The following PRR33 variants were observed in gnomAD, a reference collection of about 807,000 sequenced individuals.
PRR33 encodes proline-rich protein 33.
PRR33 carries 1 observed loss-of-function variant against 0.5 expected under a neutral mutation model. The observed-to-expected ratio is 2.18, with a 90% CI of 0.77 to 10.34. PRR33 has a LOEUF of 10.34. Ranked by LOEUF, PRR33 falls within the 30% of genes most tolerant of loss-of-function variation. The probability of loss-of-function intolerance (pLI) is 0.13; values close to 1 mark genes in which losing one functional copy is unlikely to be tolerated. For missense variants in PRR33, 552 were observed against 251.8 expected (o/e 2.19, Z -8.07); for synonymous variants, 226 against 110.0 (o/e 2.06, Z -6.60).
chr11:1,913,242 T>C, the PRR33 span, among the ~76,000 whole-genome samples: 4 of 152,048 alleles, frequency 2.6e-5, no homozygotes, highest in Non-Finnish European at 5.9e-5. Context: ...TTCTCCTGCC[T>C]CAGCTTCCCG....
upstream of PRR33, among the ~76,000 whole-genome samples, chr11:1,893,380 G>T (rs1221368895): frequency 2.6e-5 from 4 of 151,246 alleles, no homozygotes; most frequent in Admixed American, 1.3e-4. Context: ...CTAATGGATG[G>T]ATGAGTGGGT....
the PRR33 span, among the ~76,000 whole-genome samples, chr11:1,899,928 G>A: frequency 6.6e-6 from 1 of 152,090 alleles, no homozygotes; most frequent in Admixed American, 6.6e-5. Flanking sequence ...TAGCAGAAGT[G>A]TAATGGAAGT....
At chr11:1,889,478 G>T (rs1292832344) in exon 1 of PRR33, 1 of 619,416 alleles carries the variant, frequency 1.6e-6, no homozygotes, top group Non-Finnish European at 3.0e-6. Context: ...CTGTGGGGGT[G>T]GGCACCTCTG....
chr11:1,900,187 C>T, the PRR33 span, among the ~76,000 whole-genome samples: 16 of 152,074 alleles, frequency 1.1e-4, no homozygotes, highest in Non-Finnish European at 1.9e-4. Context: ...ATGCTTGATG[C>T]TGGACTTATA....
the PRR33 span, among the ~76,000 whole-genome samples, chr11:1,916,972 C>T: frequency 1.3e-5 from 2 of 152,232 alleles, no homozygotes; most frequent in African/African-American, 4.8e-5. Context: ...AGCCACCAGA[C>T]ACCCTGTGAC....
At chr11:1,898,237 CTTT>C in the PRR33 span, among the ~76,000 whole-genome samples, 3 of 144,680 alleles carry the variant, frequency 2.1e-5, no homozygotes. Flanking sequence ...ACGAGGGATA[CTTT>C]TTTTTTTTTT....
the PRR33 span, among the ~76,000 whole-genome samples, chr11:1,904,355 C>A: frequency 2.6e-5 from 4 of 151,930 alleles, no homozygotes; most frequent in South Asian, 8.3e-4. Flanking sequence ...ACGGTGAAAC[C>A]CCGTCTCTAC....
chr11:1,917,304 G>A, the PRR33 span, among the ~76,000 whole-genome samples: 1 of 152,142 alleles, frequency 6.6e-6, no homozygotes, highest in Admixed American at 6.5e-5. Context: ...TAGATTGAGG[G>A]GCCCCGGCCA....
At chr11:1,899,918 T>C in the PRR33 span, among the ~76,000 whole-genome samples, 4 of 152,138 alleles carry the variant, frequency 2.6e-5, no homozygotes, top group Non-Finnish European at 5.9e-5. Flanking sequence ...GCCCATCAAG[T>C]AGCAGAAGTG....
At chr11:1,902,986 G>A in the PRR33 span, 14 of 152,084 alleles carry the variant, frequency 9.2e-5, no homozygotes, top group African/African-American at 3.4e-4. Flanking sequence ...GACGACCAGA[G>A]GTCACTCTCG....
At chr11:1,892,744 G>T (rs1441498914), upstream of PRR33, among the ~76,000 whole-genome samples, 1 of 151,828 alleles carries the variant, frequency 6.6e-6, no homozygotes, top group Non-Finnish European at 1.5e-5. Context: ...GAATGGATGG[G>T]TAGGTGGGCG....
the PRR33 span, among the ~76,000 whole-genome samples, chr11:1,906,715 G>A: frequency 7.9e-5 from 12 of 152,218 alleles, no homozygotes; most frequent in African/African-American, 2.4e-4. Context: ...TTCTGCTGAG[G>A]CTGGTGGGAG....
At chr11:1,899,714 C>T in the PRR33 span, among the ~76,000 whole-genome samples, 1 of 152,146 alleles carries the variant, frequency 6.6e-6, no homozygotes, top group East Asian at 1.9e-4. Context: ...ACAGTTTTAC[C>T]ACTTGAGCAG....
chr11:1,914,508 A>G, the PRR33 span, among the ~76,000 whole-genome samples: 1 of 144,306 alleles, frequency 6.9e-6, no homozygotes, highest in Admixed American at 7.0e-5. Context: ...TTGTGTAGTC[A>G]CACACCAGGG....
chr11:1,907,185 T>G, the PRR33 span, among the ~76,000 whole-genome samples: 1 of 152,246 alleles, frequency 6.6e-6, no homozygotes, highest in African/African-American at 2.4e-5. Flanking sequence ...TGCTGTTTGG[T>G]TGTTTCAGGC....
chr11:1,915,896 A>G, the PRR33 span, among the ~76,000 whole-genome samples: 4 of 148,576 alleles, frequency 2.7e-5, no homozygotes, highest in Admixed American at 6.7e-5. Flanking sequence ...ATAGATGGAT[A>G]GGTGGGTGGA....
chr11:1,899,158 C>T, the PRR33 span, among the ~76,000 whole-genome samples: 4 of 152,144 alleles, frequency 2.6e-5, no homozygotes, highest in Non-Finnish European at 4.4e-5. Context: ...TATTCAGAGG[C>T]ATGACAGTCT....
the PRR33 span, among the ~76,000 whole-genome samples, chr11:1,913,338 G>C: frequency 4.0e-5 from 6 of 149,884 alleles, no homozygotes; most frequent in Admixed American, 4.0e-4. Flanking sequence ...TAGAGACGGG[G>C]TTTCACCGTG....
chr11:1,893,200 G>T (rs1849066953), upstream of PRR33, among the ~76,000 whole-genome samples: 1 of 129,338 alleles, frequency 7.7e-6, no homozygotes, highest in South Asian at 3.1e-4. Flanking sequence ...ATTGATAGAT[G>T]GATGGATGAG....
Sources: allele counts gnomAD v4.1 joint callset (sites outside exome capture counted in the v4.1 genomes callset), GRCh38; gene constraint gnomAD v4.1.1; transcripts MANE v1.5; gene names NCBI Gene and HGNC (gene_info 2026-07-23, HGNC 2026-07-21).